Variants in CDK12 observed in about 807,000 individuals in gnomAD.
The protein encoded by CDK12 is cyclin dependent kinase 12, also known as cyclin-dependent kinase 12.
A neutral mutation model predicts 133.8 loss-of-function variants in CDK12; 17 were observed. The ratio of observed to expected loss-of-function variants is 0.13; its 90% CI spans 0.09 to 0.19. The LOEUF (loss-of-function observed/expected upper bound fraction) is 0.19. Among genes scored for constraint, CDK12 ranks in the 10% least tolerant of loss-of-function variants. The pLI is 1.00. For synonymous variants in CDK12, 694 were observed against 683.6 expected (o/e 1.02, Z -0.24); for missense variants, 1,508 against 1,818.7 (o/e 0.83, Z 3.11).
chr17:39,528,557 A>C lies in CDK12; in HGVS notation c.3761-2047A>C, dbSNP rs564359760. ...ACCTTGTTGGCCAGGCTGGTCTCTAACTCCTGACCTCAAGTGATCTGCCTT... is the reference window on the plus strand; with the variant it reads ...ACCTTGTTGGCCAGGCTGGTCTCTACCTCCTGACCTCAAGTGATCTGCCTT... On this transcript the variant is annotated intron_variant, in intron 13 of 13. Coordinates refer to ENST00000447079, the MANE Select transcript of CDK12 (RefSeq NM_016507.4). Among the ~76,000 whole-genome samples the C allele has an allele frequency of 5.3e-5, 8 of 152,134 alleles. No individual in the cohort carries two copies. The South Asian group carries it at 1.7e-3, about 32-fold the overall frequency.
At position 39,532,102 on chromosome 17, in the gene CDK12, T is replaced by TCTCTCTCTCTCTCTCTC. The variant is rs2054883789; in HGVS notation, c.*786_*787insCTCTCTCTCTCTCTCTC. ...GCTGATGTGTGCTCTCTCTCTCTCT[T>TCTCTCTCTCTCTCTCTC]TCTCTCTCTCTCTCTCTCTCTCTCT... On this transcript the variant is annotated 3_prime_UTR_variant, in exon 14 of 14. Coordinates refer to ENST00000447079, the MANE Select transcript of CDK12 (RefSeq NM_016507.4). The TCTCTCTCTCTCTCTCTC allele has an allele frequency of 4.9e-6, 1 of 206,014 alleles. No homozygotes were observed. The highest frequency in any genetic ancestry group is 2.6e-5 in the African/African-American group (1 of 37,826). The allele number at this position is 206,014 out of a possible 1,614,324, so 12.8% of individuals were successfully genotyped here. A position where few individuals can be genotyped will look rare whatever the true frequency, so the allele number is the denominator to read the frequency against.
chr17:39,489,618 G>T (rs1377894115), intron 2 of CDK12, among the ~76,000 whole-genome samples: 1 of 150,470 alleles, frequency 6.6e-6, no homozygotes, highest in African/African-American at 2.4e-5. Context: ...TCAGCCTCCT[G>T]AGTAGCTGGG....
chr17:39,482,253 C>G (rs984629599), intron 2 of CDK12, among the ~76,000 whole-genome samples: 3 of 151,908 alleles, frequency 2.0e-5, no homozygotes, highest in Non-Finnish European at 4.4e-5. Context: ...CTCAGGTGAT[C>G]CACCCGCCTC....
intron 1 of CDK12, among the ~76,000 whole-genome samples, chr17:39,541,655 C>T (rs1279299928): frequency 6.6e-6 from 1 of 152,042 alleles, no homozygotes; most frequent in African/African-American, 2.4e-5. Context: ...GCATCCGGCC[C>T]CGAGTTTGGC....
chr17:39,489,251 A>G (rs1380118550), intron 2 of CDK12, among the ~76,000 whole-genome samples: 1 of 151,042 alleles, frequency 6.6e-6, no homozygotes, highest in African/African-American at 2.4e-5. Context: ...TTGTATTTTA[A>G]TAGAGATGGG....
intron 3 of CDK12, among the ~76,000 whole-genome samples, chr17:39,559,298 G>A (rs6503521): frequency 4.6e-5 from 7 of 152,164 alleles, no homozygotes; most frequent in Non-Finnish European, 1.0e-4. Context: ...AATATTGACC[G>A]TGATATAACC....
At chr17:39,475,500 CAA>C (rs1365332882) in intron 2 of CDK12, among the ~76,000 whole-genome samples, 1 of 151,182 alleles carries the variant, frequency 6.6e-6, no homozygotes, top group Non-Finnish European at 1.5e-5. Flanking sequence ...AAAGTAATAA[CAA>C]ATTCTGCCAC....
In CDK12 at chr17:39,517,495, T is replaced by A. The variant is rs762562900; in HGVS notation, c.2902T>A (p.Tyr968Asn). 6.2e-7 allele frequency: 1 copy of A among 1,613,896 alleles called. No individual in the cohort carries two copies. The highest frequency in any genetic ancestry group is 8.5e-7 in the Non-Finnish European group (1 of 1,179,762). ...GTGGCCTGATGTTATCAAACTGCCC[T>A]ACTTCAACACCATGAAACCGAAGAA... is the stretch of plus-strand genomic sequence containing the variant. ...AVWPDVIKLP[Y>N]FNTMKPKKQY... The change falls in exon 10 of 14, where the codon TAC (tyrosine) becomes AAC (asparagine). Residue 968 changes from tyrosine to asparagine, a missense_variant. Coordinates refer to ENST00000447079, the MANE Select transcript of CDK12 (RefSeq NM_016507.4).
At position 39,471,534 on chromosome 17, in the gene CDK12, CCTT is replaced by C. The variant is rs587778181; in HGVS notation, c.1705_1707del (p.Ser569del). The C allele has an allele frequency of 1.6e-5, 26 of 1,613,922 alleles. No individual in the cohort carries two copies. The Middle Eastern group carries it at 4.9e-4, about 31-fold the overall frequency. ...TCTTCCACAGCAACCACCTCTGCCTCCTTCTCAGCCAGCATTTAGTCAGGTTCC... is the reference window on the plus strand; with the variant it reads ...TCTTCCACAGCAACCACCTCTGCCTCCTCAGCCAGCATTTAGTCAGGTTCC... On this transcript the variant is annotated inframe_deletion, in exon 2 of 14. Transcript: ENST00000447079.
At chr17:39,554,137 C>T (rs1197473876) in intron 2 of CDK12, among the ~76,000 whole-genome samples, 2 of 152,148 alleles carry the variant, frequency 1.3e-5, no homozygotes, top group Admixed American at 1.3e-4. Flanking sequence ...AGAGGGGTTT[C>T]TAGGCAAACA....
In CDK12 at chr17:39,477,330, G is replaced by T. The variant is rs1597961017; in HGVS notation, c.1931+5567G>T. ...GGCTCACCACAACCTCCACCTCCTGGGTTCAAGCGATTTTCCTGCCTCAGC... is the reference window on the plus strand; with the variant it reads ...GGCTCACCACAACCTCCACCTCCTGTGTTCAAGCGATTTTCCTGCCTCAGC... On this transcript the variant is annotated intron_variant, in intron 2 of 13. Transcript: ENST00000447079. 1.3e-5 allele frequency among the ~76,000 whole-genome samples: 2 copies of T among 152,092 alleles called. 1 individual carries two copies. The highest frequency in any genetic ancestry group is 1.3e-4 in the Admixed American group (2 of 15,240).
intron 2 of CDK12, among the ~76,000 whole-genome samples, chr17:39,482,631 G>C (rs1326826842): frequency 3.2e-5 from 1 of 31,396 alleles, no homozygotes; most frequent in East Asian, 1.7e-3. Flanking sequence ...GAGGCAGAGT[G>C]TCTCTCTGTC....
chr17:39,488,923 C>T (rs542869576), intron 2 of CDK12, among the ~76,000 whole-genome samples: 18 of 151,830 alleles, frequency 1.2e-4, no homozygotes, highest in Non-Finnish European at 2.2e-4. Context: ...CTTATACCAC[C>T]ATGTCCAGCT....
chr17:39,471,841 T>A, intron 2 of CDK12, 78 bp downstream of exon 2: 1 of 1,215,534 alleles, frequency 8.2e-7, no homozygotes, highest in Non-Finnish European at 1.2e-6. Context: ...TTGTCAACAC[T>A]ACCCTCATGG....
At position 39,555,828 on chromosome 17, in the gene CDK12, TACACACACACACACACACACACACAC is replaced by T. The variant is rs60227908; in HGVS notation, n.357-426_357-401del. Among the ~76,000 whole-genome samples, 877 of 108,686 alleles carry T rather than the reference TACACACACACACACACACACACACAC, an allele frequency of 8.1e-3. 10 individuals carry two copies. Among genetic ancestry groups the T allele is most frequent in the Non-Finnish European group, 9.7e-3 (527 of 54,180 alleles). The allele number at this position is 108,686 out of a possible 152,430, so 71.3% of individuals were successfully genotyped here. Reference sequence around the variant, plus strand: ...GGGAAACATAGTGAAACCTCATCTCTACACACACACACACACACACACACACACACACACACACACACACACACACA... The same window carrying T: ...GGGAAACATAGTGAAACCTCATCTCTACACACACACACACACACACACACA... On this transcript the variant is annotated intron_variant and non_coding_transcript_variant, in intron 2 of 3. Coordinates refer to the CDK12 transcript ENST00000558240.
intron 1 of CDK12, among the ~76,000 whole-genome samples, chr17:39,542,047 C>T (rs893448010): frequency 3.3e-5 from 5 of 151,976 alleles, no homozygotes; most frequent in Admixed American, 2.6e-4. Flanking sequence ...TCCTGAGAGC[C>T]CTGAGCTTCT....
At chr17:39,493,295 G>A (rs866728561) in intron 4 of CDK12, among the ~76,000 whole-genome samples, 4 of 151,020 alleles carry the variant, frequency 2.6e-5, no homozygotes, top group East Asian at 2.0e-4. Flanking sequence ...GAGCCACGGC[G>A]CCAGGCCTTT....
intron 6 of CDK12, among the ~76,000 whole-genome samples, chr17:39,506,498 G>A (rs746452461): frequency 4.6e-5 from 7 of 151,322 alleles, no homozygotes; most frequent in East Asian, 1.9e-4. Flanking sequence ...TTACAGACGC[G>A]AGCCACCACG....
At chr17:39,546,914 C>T (rs1001390713), upstream of CDK12, among the ~76,000 whole-genome samples, 5 of 152,114 alleles carry the variant, frequency 3.3e-5, no homozygotes, top group Admixed American at 1.3e-4. Context: ...TGTAAAGAGC[C>T]GCTAACCTCC....
Sources: gnomAD v4.1 joint callset for allele counts (sites outside exome capture counted in the v4.1 genomes callset) on GRCh38, gnomAD v4.1.1 for gene constraint, MANE v1.5 for transcripts, NCBI Gene and HGNC (gene_info 2026-07-23, HGNC 2026-07-21) for gene names.